RALYL: variants seen among roughly 807,000 people sequenced by gnomAD.
The protein encoded by RALYL is RALY RNA binding protein like.
RALYL carries 29 observed loss-of-function variants against 35.1 expected under a neutral mutation model. The ratio of observed to expected loss-of-function variants is 0.83; its 90% confidence interval spans 0.61 to 1.13. The LOEUF is 1.13. Among genes scored for constraint, RALYL ranks in the 50% most tolerant of loss-of-function variants. The probability of loss-of-function intolerance (pLI) is 0.00; values close to 1 mark genes in which losing one functional copy is unlikely to be tolerated. For synonymous variants in RALYL, 120 were observed against 127.6 expected (o/e 0.94, Z 0.40); for missense variants, 359 against 360.4 (o/e 1.00, Z 0.03).
intron 2 of RALYL, among the ~76,000 whole-genome samples, chr8:84,730,924 T>A (rs1163507389): frequency 6.6e-6 from 1 of 151,702 alleles, no homozygotes; most frequent in Non-Finnish European, 1.5e-5. Context: ...TGTGATGGAA[T>A]TTAGGTTAGT....
chr8:84,669,046 T>C (rs985056220), intron 2 of RALYL, among the ~76,000 whole-genome samples: 7 of 152,122 alleles, frequency 4.6e-5, no homozygotes, highest in Non-Finnish European at 1.0e-4. Context: ...AGGCCTATTA[T>C]GTTCATGTGT....
chr8:84,528,104 A>T (rs1339900273), intron 1 of RALYL, among the ~76,000 whole-genome samples: 5 of 152,158 alleles, frequency 3.3e-5, no homozygotes, highest in Non-Finnish European at 7.4e-5. Context: ...ATTTTAAATG[A>T]TTCTTAAAAA....
intron 2 of RALYL, among the ~76,000 whole-genome samples, chr8:84,754,776 T>C (rs1302347267): frequency 6.6e-6 from 1 of 152,168 alleles, no homozygotes; most frequent in African/African-American, 2.4e-5. Context: ...TACTGATAGA[T>C]GCCACCATGC....
intron 1 of RALYL, among the ~76,000 whole-genome samples, chr8:84,451,585 T>A (rs1313385671): frequency 6.6e-6 from 1 of 152,032 alleles, no homozygotes; most frequent in Non-Finnish European, 1.5e-5. Flanking sequence ...CAGGCTTGAA[T>A]TCTTAGTAGC....
At chr8:84,755,444 T>C (rs1004925098) in intron 2 of RALYL, among the ~76,000 whole-genome samples, 4 of 152,202 alleles carry the variant, frequency 2.6e-5, no homozygotes, top group African/African-American at 9.7e-5. Context: ...TTGTTCATAT[T>C]TGCTGTATCA....
intron 1 of RALYL, among the ~76,000 whole-genome samples, chr8:84,348,582 G>A (rs1027222642): frequency 3.9e-5 from 6 of 151,994 alleles, no homozygotes; most frequent in African/African-American, 1.4e-4. Context: ...ACAATGCCCA[G>A]GCAATTACAC....
chr8:84,797,324 A>G (rs553226106), intron 3 of RALYL, among the ~76,000 whole-genome samples: 115 of 152,310 alleles, frequency 7.6e-4, no homozygotes, highest in African/African-American at 2.7e-3. Flanking sequence ...TTAAACTTCA[A>G]CGTGAGTTTT....
intron 2 of RALYL, among the ~76,000 whole-genome samples, chr8:84,539,854 G>GTATATA (rs1294869865): frequency 4.1e-5 from 1 of 24,204 alleles, no homozygotes; most frequent in Non-Finnish European, 1.1e-4. Context: ...ATATATATAT[G>GTATATA]TATATATATA....
At chr8:84,230,928 C>T (rs1825191361) in intron 1 of RALYL, among the ~76,000 whole-genome samples, 2 of 152,192 alleles carry the variant, frequency 1.3e-5, no homozygotes, top group Non-Finnish European at 2.9e-5. Flanking sequence ...TCTTGACTTC[C>T]ATGCTACACC....
At chr8:84,900,414 C>T (rs545314671) in intron 8 of RALYL, among the ~76,000 whole-genome samples, 5 of 152,096 alleles carry the variant, frequency 3.3e-5, no homozygotes, top group East Asian at 1.9e-4. Flanking sequence ...CGGTGGCTCA[C>T]GTCTGTAATT....
At chr8:84,238,300 G>A (rs1461386683) in intron 1 of RALYL, among the ~76,000 whole-genome samples, 6 of 151,732 alleles carry the variant, frequency 4.0e-5, no homozygotes, top group Non-Finnish European at 5.9e-5. Flanking sequence ...ATATTATGAG[G>A]GAAATTATTT....
At chr8:84,339,294 A>T (rs928566317) in intron 1 of RALYL, among the ~76,000 whole-genome samples, 1 of 152,034 alleles carries the variant, frequency 6.6e-6, no homozygotes, top group African/African-American at 2.4e-5. Context: ...GTGGGAGATG[A>T]GTAACAGGCA....
intron 3 of RALYL, among the ~76,000 whole-genome samples, chr8:84,789,877 G>T (rs567307867): frequency 1.3e-5 from 2 of 152,010 alleles, no homozygotes; most frequent in South Asian, 4.2e-4. Context: ...AAAGAAATAT[G>T]AACTAAATTG....
At chr8:84,235,132 T>C (rs1288388558) in intron 1 of RALYL, among the ~76,000 whole-genome samples, 2 of 152,242 alleles carry the variant, frequency 1.3e-5, no homozygotes, top group Admixed American at 1.3e-4. Flanking sequence ...TTGTTTATTA[T>C]GAATATTTTA....
intron 1 of RALYL, among the ~76,000 whole-genome samples, chr8:84,343,130 G>T (rs1172544353): frequency 6.6e-6 from 1 of 151,840 alleles, no homozygotes; most frequent in Non-Finnish European, 1.5e-5. Context: ...AGTTCTATAG[G>T]TTACTTCTCT....
At chr8:84,802,938 G>GGACTT (rs1823686302) in intron 3 of RALYL, among the ~76,000 whole-genome samples, 1 of 152,054 alleles carries the variant, frequency 6.6e-6, no homozygotes, top group Non-Finnish European at 1.5e-5. Flanking sequence ...AAAATTGATG[G>GGACTT]GACTTGCTAA....
chr8:84,729,362 A>G (rs1356266572), intron 2 of RALYL, among the ~76,000 whole-genome samples: 1 of 152,086 alleles, frequency 6.6e-6, no homozygotes, highest in Non-Finnish European at 1.5e-5. Context: ...TATCAGCTTA[A>G]GGAGATTTTG....
At chr8:84,692,286 A>G (rs1838220671) in intron 2 of RALYL, among the ~76,000 whole-genome samples, 2 of 152,028 alleles carry the variant, frequency 1.3e-5, no homozygotes, top group South Asian at 4.1e-4. Flanking sequence ...GATTGAACAT[A>G]TAGAAAAATC....
At chr8:84,331,471 CT>C (rs1846804249) in intron 1 of RALYL, among the ~76,000 whole-genome samples, 1 of 152,090 alleles carries the variant, frequency 6.6e-6, no homozygotes, top group South Asian at 2.1e-4. Flanking sequence ...CTATCTTAGA[CT>C]GCTTACAGTC....
Sources: gnomAD v4.1 joint callset for allele counts (sites outside exome capture counted in the v4.1 genomes callset) on GRCh38, gnomAD v4.1.1 for gene constraint, MANE v1.5 for transcripts, NCBI Gene and HGNC (gene_info 2026-07-23, HGNC 2026-07-21) for gene names.